Variants in SCML4 observed in about 807,000 individuals in gnomAD.
The protein encoded by SCML4 is sex comb on midleg-like protein 4.
In SCML4, 34 loss-of-function variants were observed where a neutral mutation model predicts 41.1. That is an observed-to-expected ratio of 0.83 (90% confidence interval 0.63 to 1.10). SCML4 has a LOEUF of 1.10. SCML4 is among the 50% of genes least tolerant of loss of function. SCML4 has a pLI of 0.00. For synonymous variants in SCML4, 214 were observed against 220.9 expected (o/e 0.97, Z 0.28); for missense variants, 522 against 534.1 (o/e 0.98, Z 0.22).
intron 2 of SCML4, among the ~76,000 whole-genome samples, chr6:107,760,575 A>T (rs1437391485): frequency 1.3e-5 from 2 of 152,224 alleles, no homozygotes; most frequent in African/African-American, 2.4e-5. Context: ...GAATTTAATT[A>T]AAAAATTACT....
intron 1 of SCML4, among the ~76,000 whole-genome samples, chr6:107,793,794 A>G (rs1782516739): frequency 6.6e-6 from 1 of 152,196 alleles, no homozygotes; most frequent in South Asian, 2.1e-4. Flanking sequence ...CAAAAATACA[A>G]AATAGCTGGG....
intron 5 of SCML4, among the ~76,000 whole-genome samples, chr6:107,733,496 C>T (rs909221385): frequency 1.3e-5 from 2 of 152,208 alleles, no homozygotes; most frequent in Admixed American, 1.3e-4. Context: ...TAGAAGCCTA[C>T]TGGTTTCCTA....
intron 1 of SCML4, among the ~76,000 whole-genome samples, chr6:107,807,874 C>A (rs1265528989): frequency 6.6e-6 from 1 of 152,232 alleles, no homozygotes; most frequent in African/African-American, 2.4e-5. Flanking sequence ...TGTAAAATGA[C>A]TAGGTTGTTG....
rs764791386 is a variant in SCML4, at chr6:107,705,179, G to A, written c.*21C>T. On this transcript the variant is annotated 3_prime_UTR_variant, in exon 8 of 8. Coordinates refer to ENST00000369020, the MANE Select transcript of SCML4 (RefSeq NM_198081.5). Reference sequence around the variant, plus strand: ...CTTGGGATCTGTTGTTTTGGGTTTCGCTTCTGTCTTTTTAAAAAAGTCAGA... The same window carrying A: ...CTTGGGATCTGTTGTTTTGGGTTTCACTTCTGTCTTTTTAAAAAAGTCAGA... The A allele has an allele frequency of 4.5e-6, 7 of 1,550,140 alleles. No homozygotes were observed. Among genetic ancestry groups the A allele is most frequent in the East Asian group, 4.9e-5 (2 of 40,910 alleles).
intron 1 of SCML4, among the ~76,000 whole-genome samples, chr6:107,794,596 T>A (rs1277447183): frequency 6.6e-6 from 1 of 152,214 alleles, no homozygotes; most frequent in Non-Finnish European, 1.5e-5. Flanking sequence ...TGCACATATA[T>A]ATATAATTTT....
chr6:107,802,316 G>A (rs1379505378), intron 1 of SCML4, among the ~76,000 whole-genome samples: 1 of 152,108 alleles, frequency 6.6e-6, no homozygotes. Context: ...GACATTGATG[G>A]TCCAGTCTCA....
At chr6:107,718,913 A>C (rs1230498675) in intron 6 of SCML4, 1 of 152,248 alleles carries the variant, frequency 6.6e-6, no homozygotes, top group Non-Finnish European at 1.5e-5. Context: ...AGAGGGACAT[A>C]AGGATGAGTG....
intron 2 of SCML4, among the ~76,000 whole-genome samples, chr6:107,756,892 C>G (rs554065482): frequency 6.6e-6 from 1 of 152,190 alleles, no homozygotes; most frequent in Non-Finnish European, 1.5e-5. Flanking sequence ...CTGTGCAGGA[C>G]GCCATGCTCT....
At chr6:107,759,575 T>C (rs1229064864) in intron 2 of SCML4, among the ~76,000 whole-genome samples, 1 of 152,154 alleles carries the variant, frequency 6.6e-6, no homozygotes, top group Non-Finnish European at 1.5e-5. Context: ...TCTAGGACAA[T>C]ATCTACATCT....
intron 2 of SCML4, among the ~76,000 whole-genome samples, chr6:107,758,665 G>A (rs750695446): frequency 1.4e-4 from 21 of 152,140 alleles, no homozygotes; most frequent in East Asian, 5.8e-4. Flanking sequence ...GCTATGTGAC[G>A]ACAGAGGCAG....
chr6:107,761,130 GA>G (rs1779552577), intron 2 of SCML4, among the ~76,000 whole-genome samples: 2 of 152,084 alleles, frequency 1.3e-5, no homozygotes, highest in African/African-American at 4.8e-5. Flanking sequence ...TGAAACATAA[GA>G]GTTTCAGAAG....
chr6:107,750,697 C>A (rs369623045), intron 2 of SCML4, among the ~76,000 whole-genome samples: 9 of 152,232 alleles, frequency 5.9e-5, no homozygotes, highest in East Asian at 5.8e-4. Flanking sequence ...GGCTGGGGAC[C>A]CTTGCCCAAC....
chr6:107,806,956 G>T (rs1783780245), intron 1 of SCML4, among the ~76,000 whole-genome samples: 1 of 152,296 alleles, frequency 6.6e-6, no homozygotes, highest in Middle Eastern at 3.4e-3. Context: ...CTGGGCTCAG[G>T]TGCTCCTGTG....
intron 1 of SCML4, among the ~76,000 whole-genome samples, chr6:107,803,524 C>G (rs1393824095): frequency 1.3e-5 from 2 of 149,516 alleles, no homozygotes; most frequent in Non-Finnish European, 3.0e-5. Flanking sequence ...CCCCTCTGCC[C>G]GGCCACCACC....
chr6:107,715,466 C>T (rs373162786), intron 6 of SCML4, among the ~76,000 whole-genome samples: 5 of 151,462 alleles, frequency 3.3e-5, no homozygotes, highest in Admixed American at 1.3e-4. Flanking sequence ...AGATTGACTT[C>T]GTTTCTTGAT....
intron 1 of SCML4, among the ~76,000 whole-genome samples, chr6:107,773,484 C>T (rs1350822220): frequency 1.3e-5 from 2 of 150,012 alleles, no homozygotes; most frequent in African/African-American, 2.5e-5. Context: ...CCCAGCTACT[C>T]GGGAGGCTGA....
At chr6:107,709,125 G>A (rs1416724810) in intron 6 of SCML4, among the ~76,000 whole-genome samples, 1 of 152,172 alleles carries the variant, frequency 6.6e-6, no homozygotes. Flanking sequence ...TCTTCCTACT[G>A]CCTACAACTG....
the SCML4 span, among the ~76,000 whole-genome samples, chr6:107,833,577 G>T: frequency 6.6e-6 from 1 of 152,138 alleles, no homozygotes; most frequent in Non-Finnish European, 1.5e-5. Context: ...TGACCTACCA[G>T]TGACCAAAAC....
rs181345061 is a variant in SCML4 at position 107,823,258 on chromosome 6, G to A, written c.-60+868C>T. Reference sequence around the variant, plus strand: ...GAGACAACACGAGGAGACACCTCTCGTTCACGATCACAGATAGTGGAAAGA... The same window carrying A: ...GAGACAACACGAGGAGACACCTCTCATTCACGATCACAGATAGTGGAAAGA... On this transcript the variant is annotated intron_variant, in intron 1 of 7. Coordinates refer to ENST00000369020, the MANE Select transcript of SCML4 (RefSeq NM_198081.5). Among the ~76,000 whole-genome samples the A allele has an allele frequency of 6.6e-5, 10 of 152,216 alleles. No individual in the cohort carries two copies. In the East Asian group the frequency reaches 1.5e-3, roughly 24 times the overall value.
Sources: gnomAD v4.1 joint callset for allele counts (sites outside exome capture counted in the v4.1 genomes callset) on GRCh38, gnomAD v4.1.1 for gene constraint, MANE v1.5 for transcripts, NCBI Gene and HGNC (gene_info 2026-07-23, HGNC 2026-07-21) for gene names.